The following FERRY3 variants were observed in gnomAD, a reference collection of about 807,000 sequenced individuals.
The protein encoded by FERRY3 is protein C12orf4.
At chr12:4,529,719 A>G in the FERRY3 span, 1 of 626,784 alleles carries the variant, frequency 1.6e-6, no homozygotes, top group African/African-American at 1.9e-5. Context: ...TTGTAGTTAC[A>G]CATTTAAACA....
the FERRY3 span, among the ~76,000 whole-genome samples, chr12:4,515,231 A>G: frequency 6.6e-6 from 1 of 152,240 alleles, no homozygotes; most frequent in South Asian, 2.1e-4. Flanking sequence ...GAAAGATGCC[A>G]TTAACTTTTT....
the FERRY3 span, among the ~76,000 whole-genome samples, chr12:4,514,613 G>A: frequency 2.6e-5 from 4 of 151,452 alleles, no homozygotes; most frequent in African/African-American, 9.7e-5. Flanking sequence ...GATGAAATTG[G>A]AAATCATCAT....
At chr12:4,513,574 C>A in the FERRY3 span, among the ~76,000 whole-genome samples, 1 of 151,712 alleles carries the variant, frequency 6.6e-6, no homozygotes, top group Non-Finnish European at 1.5e-5. Flanking sequence ...GAACAGAGCC[C>A]TCAGAAATAA....
chr12:4,509,269 T>G, the FERRY3 span: 3 of 160,760 alleles, frequency 1.9e-5, no homozygotes, highest in Non-Finnish European at 3.9e-5. Flanking sequence ...TCTCGCTGAT[T>G]GCTAGCACAG....
the FERRY3 span, among the ~76,000 whole-genome samples, chr12:4,509,645 C>T: frequency 1.4e-5 from 2 of 137,986 alleles, 1 homozygote; most frequent in African/African-American, 5.7e-5. Context: ...TACACTGACA[C>T]CTCACACGGC....
chr12:4,523,605 T>A, the FERRY3 span, among the ~76,000 whole-genome samples: 1 of 152,164 alleles, frequency 6.6e-6, no homozygotes, highest in Admixed American at 6.5e-5. Flanking sequence ...GTGGCACATA[T>A]ACACCATGGA....
the FERRY3 span, among the ~76,000 whole-genome samples, chr12:4,505,798 G>A: frequency 6.6e-6 from 1 of 152,204 alleles, no homozygotes; most frequent in Non-Finnish European, 1.5e-5. Context: ...AACTTCATTA[G>A]ATAGTTGTGG....
the FERRY3 span, chr12:4,487,892 C>T: frequency 6.6e-6 from 1 of 152,030 alleles, no homozygotes; most frequent in Non-Finnish European, 1.5e-5. Context: ...CTCAAGAAGC[C>T]CTTTAGAACA....
chr12:4,490,452 G>A, the FERRY3 span: 19 of 1,239,064 alleles, frequency 1.5e-5, no homozygotes, highest in African/African-American at 6.3e-5. Context: ...AGGGCAGGAT[G>A]CCTAGCTGTA....
the FERRY3 span, chr12:4,536,008 A>C: frequency 6.6e-7 from 1 of 1,515,136 alleles, no homozygotes; most frequent in Non-Finnish European, 8.8e-7. Context: ...AAAAAAAAAC[A>C]GTCCTCACCT....
At chr12:4,490,046 T>C in the FERRY3 span, 1 of 564,790 alleles carries the variant, frequency 1.8e-6, no homozygotes, top group African/African-American at 1.9e-5. Context: ...CCGATGTAAC[T>C]GCATGGCCAT....
chr12:4,532,657 C>T, the FERRY3 span, among the ~76,000 whole-genome samples: 1 of 152,164 alleles, frequency 6.6e-6, no homozygotes, highest in Non-Finnish European at 1.5e-5. Context: ...TCAATAATCC[C>T]CAGGTAATTG....
the FERRY3 span, among the ~76,000 whole-genome samples, chr12:4,524,688 T>C: frequency 1.3e-5 from 2 of 152,166 alleles, no homozygotes; most frequent in Non-Finnish European, 1.5e-5. Context: ...AACAGATACA[T>C]AGCCAGGAAA....
At chr12:4,527,480 A>C in the FERRY3 span, among the ~76,000 whole-genome samples, 1 of 152,186 alleles carries the variant, frequency 6.6e-6, no homozygotes, top group Non-Finnish European at 1.5e-5. Flanking sequence ...AGATACTTTA[A>C]GAAAAAAAAT....
chr12:4,529,783 T>C, the FERRY3 span: 1 of 1,173,286 alleles, frequency 8.5e-7, no homozygotes, highest in East Asian at 2.5e-5. Flanking sequence ...TTATCCTTTT[T>C]GTAAAAAATA....
At chr12:4,519,145 C>A in the FERRY3 span, among the ~76,000 whole-genome samples, 5 of 152,130 alleles carry the variant, frequency 3.3e-5, no homozygotes, top group Non-Finnish European at 7.3e-5. The surrounding 1 kb of genome is among the most constrained non-coding windows in gnomAD (Gnocchi z 4.3). Flanking sequence ...CCATTTAACA[C>A]TTTTAGCAGC....
At chr12:4,503,377 G>GA in the FERRY3 span, among the ~76,000 whole-genome samples, 1 of 152,262 alleles carries the variant, frequency 6.6e-6, no homozygotes, top group Middle Eastern at 3.4e-3. Flanking sequence ...TATGAGATGG[G>GA]AAAAATAATG....
the FERRY3 span, chr12:4,491,072 C>G: frequency 1.0e-6 from 1 of 970,690 alleles, no homozygotes; most frequent in Non-Finnish European, 1.6e-6. Flanking sequence ...AACTGAGGCA[C>G]TAGATTACAG....
At chr12:4,518,835 T>C in the FERRY3 span, 1 of 1,593,860 alleles carries the variant, frequency 6.3e-7, no homozygotes, top group South Asian at 1.2e-5. Context: ...TTCCAATTGC[T>C]TCTACAGATT....
Sources: gnomAD v4.1 joint callset for allele counts (sites outside exome capture counted in the v4.1 genomes callset) on GRCh38, gnomAD v4.1.1 for gene constraint, Gnocchi (gnomAD v3.1) non-coding constraint, MANE v1.5 for transcripts, NCBI Gene and HGNC (gene_info 2026-07-23, HGNC 2026-07-21) for gene names.